Variants in LARGE1 observed in about 807,000 individuals in gnomAD.
LARGE1 encodes the protein LARGE xylosyl- and glucuronyltransferase 1.
In LARGE1, 43 loss-of-function variants were observed where a neutral mutation model predicts 87.6. The ratio of observed to expected loss-of-function variants is 0.49; its 90% CI spans 0.38 to 0.63. The LOEUF is 0.63. Among genes scored for constraint, LARGE1 ranks in the 30% least tolerant of loss-of-function variants. The pLI is 0.00. For missense variants in LARGE1, 802 were observed against 1,000.2 expected, an observed-to-expected ratio of 0.80 and a Z score of 2.67; for synonymous variants, 434 against 394.6, an observed-to-expected ratio of 1.10 and a Z score of -1.18.
chr22:33,353,387 T>G (rs1027690051), intron 9 of LARGE1, among the ~76,000 whole-genome samples: 1 of 151,984 alleles, frequency 6.6e-6, no homozygotes, highest in African/African-American at 2.4e-5. Flanking sequence ...GAATACTTGT[T>G]TTTCTTTTTT....
At chr22:33,194,040 C>T (rs886254877) in intron 11 of LARGE1, among the ~76,000 whole-genome samples, 3 of 150,062 alleles carry the variant, frequency 2.0e-5, no homozygotes, top group Admixed American at 6.7e-5. Flanking sequence ...TATTATTTAA[C>T]AAAATATGAT....
chr22:33,822,911 C>T (rs932733258), intron 1 of LARGE1, among the ~76,000 whole-genome samples: 14 of 152,088 alleles, frequency 9.2e-5, no homozygotes, highest in Non-Finnish European at 1.3e-4. Flanking sequence ...AACATGATCC[C>T]CCAAGTTCCA....
At chr22:33,067,386 G>C in the LARGE1 span, among the ~76,000 whole-genome samples, 1 of 152,098 alleles carries the variant, frequency 6.6e-6, no homozygotes, top group African/African-American at 2.4e-5. Context: ...TCAAATCCCA[G>C]CTTTACCACT....
At chr22:33,432,396 G>C (rs1294295981) in intron 6 of LARGE1, 131 bp from the exon 7 acceptor site, 5 of 725,144 alleles carry the variant, frequency 6.9e-6, no homozygotes, top group Non-Finnish European at 1.2e-5. Flanking sequence ...GTTTTATGAA[G>C]TGCCAGCCTC....
At chr22:33,338,222 G>A (rs1938710429) in intron 9 of LARGE1, among the ~76,000 whole-genome samples, 1 of 152,180 alleles carries the variant, frequency 6.6e-6, no homozygotes, top group Admixed American at 6.5e-5. Context: ...TCTGGAAGGG[G>A]AGAAAGGCGC....
intron 11 of LARGE1, among the ~76,000 whole-genome samples, chr22:33,315,322 T>A (rs1936034183): frequency 6.6e-6 from 1 of 152,126 alleles, no homozygotes; most frequent in South Asian, 2.1e-4. Flanking sequence ...CTGGACAAGG[T>A]TGAGAAGCAG....
intron 11 of LARGE1, among the ~76,000 whole-genome samples, chr22:33,181,181 A>G (rs2146165173): frequency 6.6e-6 from 1 of 152,320 alleles, no homozygotes; most frequent in African/African-American, 2.4e-5. Flanking sequence ...AAACTATATA[A>G]AGAATAATGG....
downstream of LARGE1, among the ~76,000 whole-genome samples, chr22:33,160,561 A>G (rs757672616): frequency 6.6e-6 from 1 of 152,234 alleles, no homozygotes; most frequent in Non-Finnish European, 1.5e-5. Context: ...TGGAGACTCT[A>G]TGTAATTTTT....
At chr22:33,086,688 G>A in the LARGE1 span, among the ~76,000 whole-genome samples, 3 of 151,854 alleles carry the variant, frequency 2.0e-5, no homozygotes, top group Non-Finnish European at 4.4e-5. Flanking sequence ...CAGTAGCTGG[G>A]ATTACAGGCG....
chr22:33,427,901 C>A (rs1261936851), intron 7 of LARGE1, among the ~76,000 whole-genome samples: 1 of 152,220 alleles, frequency 6.6e-6, no homozygotes, highest in Non-Finnish European at 1.5e-5. Flanking sequence ...GAGCTTCCAA[C>A]ACAAACATCT....
chr22:33,497,535 A>G (rs965202340), intron 6 of LARGE1, among the ~76,000 whole-genome samples: 1 of 152,206 alleles, frequency 6.6e-6, no homozygotes, highest in Non-Finnish European at 1.5e-5. Context: ...GTCTAAAAAG[A>G]GTCTTGTGCT....
At position 33,457,091 on chromosome 22, in the gene LARGE1, T is replaced by C. The variant is rs188557548; in HGVS notation, c.788-24826A>G. ...ATGTAAGGACAAACATACTTAAGAA[T>C]GTATCTGTCTAACAACTTTTCTGAA... On this transcript the variant is annotated intron_variant, in intron 6 of 14. Coordinates refer to ENST00000397394, the MANE Select transcript of LARGE1 (RefSeq NM_133642.5). Among the ~76,000 whole-genome samples the C allele has an allele frequency of 6.2e-3, 939 of 152,204 alleles. 15 individuals carry two copies. Among genetic ancestry groups the C allele is most frequent in the African/African-American group, 0.021 (891 of 41,542 alleles).
intron 11 of LARGE1, among the ~76,000 whole-genome samples, chr22:33,260,094 T>G (rs1266969526): frequency 6.6e-6 from 1 of 152,076 alleles, no homozygotes; most frequent in Non-Finnish European, 1.5e-5. Context: ...CCCACTGAAA[T>G]TATTCACACT....
chr22:33,337,172 ATGGCG>A (rs1413828938), intron 10 of LARGE1, among the ~76,000 whole-genome samples: 1 of 152,194 alleles, frequency 6.6e-6, no homozygotes, highest in Non-Finnish European at 1.5e-5. Flanking sequence ...GACTGTAGCT[ATGGCG>A]GTGACTTAGT....
chr22:33,535,149 G>T (rs2077005442), intron 6 of LARGE1, among the ~76,000 whole-genome samples: 1 of 152,220 alleles, frequency 6.6e-6, no homozygotes, highest in Admixed American at 6.5e-5. Flanking sequence ...TACGCCTTCT[G>T]TTCATCTCCT....
rs544694572 is a variant in LARGE1 at position 33,546,007 on chromosome 22, G to C, written c.787+18841C>G. 3.3e-5 allele frequency among the ~76,000 whole-genome samples: 5 copies of C among 152,274 alleles called. No individual in the cohort carries two copies. The East Asian group carries it at 7.7e-4, about 24-fold the overall frequency. On this transcript the variant is annotated intron_variant, in intron 6 of 14. Transcript: ENST00000397394. ...ACATGGCTTCCTAATTGGATGCTCGGTTTTGGTTCCTCCAAACCATTTCTC... is the reference window on the plus strand; with the variant it reads ...ACATGGCTTCCTAATTGGATGCTCGCTTTTGGTTCCTCCAAACCATTTCTC...
At chr22:33,262,593 C>T (rs1353488612) in intron 11 of LARGE1, among the ~76,000 whole-genome samples, 2 of 152,144 alleles carry the variant, frequency 1.3e-5, no homozygotes, top group Non-Finnish European at 2.9e-5. Flanking sequence ...CTCAGAGTCA[C>T]CTCCTTAGGA....
chr22:33,741,748 G>A (rs1380916265), intron 2 of LARGE1, among the ~76,000 whole-genome samples: 3 of 152,208 alleles, frequency 2.0e-5, no homozygotes, highest in Non-Finnish European at 4.4e-5. Flanking sequence ...CAGGCCAAGC[G>A]CCTGGAATGG....
intron 6 of LARGE1, among the ~76,000 whole-genome samples, chr22:33,454,489 C>T (rs912853014): frequency 3.3e-5 from 5 of 151,498 alleles, no homozygotes; most frequent in South Asian, 2.1e-4. Context: ...TGTGGTGGTA[C>T]GTGCCTGTAC....
Sources: allele counts gnomAD v4.1 joint callset (sites outside exome capture counted in the v4.1 genomes callset), GRCh38; gene constraint gnomAD v4.1.1; transcripts MANE v1.5; gene names NCBI Gene and HGNC (gene_info 2026-07-23, HGNC 2026-07-21).